Variants in SSBP2 observed in about 807,000 individuals in gnomAD.
SSBP2 encodes the protein single stranded DNA binding protein 2.
Under a neutral mutation model 61.8 loss-of-function variants are expected in SSBP2, and 17 were observed. The ratio of observed to expected loss-of-function variants is 0.28; its 90% CI spans 0.19 to 0.41. The LOEUF is 0.41. Among genes scored for constraint, SSBP2 ranks in the 10% least tolerant of loss-of-function variants. SSBP2 has a pLI of 1.00. For missense variants in SSBP2, 310 were observed against 458.7 expected (o/e 0.68, Z 2.96); for synonymous variants, 139 against 141.3 (o/e 0.98, Z 0.12).
intron 5 of SSBP2, 145 bp from the exon 6 acceptor site, chr5:81,489,454 C>T: frequency 1.6e-6 from 1 of 622,988 alleles, no homozygotes; most frequent in Non-Finnish European, 2.6e-6. Flanking sequence ...ATAATAAATG[C>T]TTTTAAGAAA....
intron 3 of SSBP2, among the ~76,000 whole-genome samples, chr5:81,617,756 G>T (rs1463311995): frequency 1.1e-5 from 1 of 89,664 alleles, no homozygotes; most frequent in Non-Finnish European, 2.2e-5. Flanking sequence ...CGGATCTCTC[G>T]GCAGAAACCC....
At chr5:81,672,270 T>A (rs1751630916) in intron 1 of SSBP2, among the ~76,000 whole-genome samples, 1 of 152,132 alleles carries the variant, frequency 6.6e-6, no homozygotes, top group South Asian at 2.1e-4. Context: ...AAGATATTCA[T>A]CTACATGGCA....
intron 4 of SSBP2, among the ~76,000 whole-genome samples, chr5:81,559,276 A>G (rs1051330734): frequency 6.6e-6 from 1 of 151,558 alleles, no homozygotes; most frequent in Non-Finnish European, 1.5e-5. Context: ...AATCCCAGCT[A>G]TTCAGGAGGC....
chr5:81,668,639 A>T (rs1751358854), intron 1 of SSBP2, among the ~76,000 whole-genome samples: 1 of 152,106 alleles, frequency 6.6e-6, no homozygotes, highest in Non-Finnish European at 1.5e-5. Flanking sequence ...CCTCCGTTTA[A>T]TTGTATAACA....
intron 2 of SSBP2, among the ~76,000 whole-genome samples, chr5:81,642,913 C>T (rs1274985924): frequency 6.6e-6 from 1 of 152,126 alleles, no homozygotes; most frequent in Non-Finnish European, 1.5e-5. Context: ...CAGGTATACA[C>T]ACACACATTT....
At chr5:81,454,072 C>T (rs566666411) in intron 10 of SSBP2, among the ~76,000 whole-genome samples, 1 of 152,102 alleles carries the variant, frequency 6.6e-6, no homozygotes, top group Non-Finnish European at 1.5e-5. Context: ...ATGTTTCAGG[C>T]ACTTCATTGC....
intron 1 of SSBP2, among the ~76,000 whole-genome samples, chr5:81,723,925 T>G (rs1755707976): frequency 6.6e-6 from 1 of 152,038 alleles, no homozygotes; most frequent in Non-Finnish European, 1.5e-5. Context: ...CTTCTGTCTT[T>G]TCTATGCTTC....
At chr5:81,428,897 C>G (rs1261583306) in intron 15 of SSBP2, among the ~76,000 whole-genome samples, 1 of 152,018 alleles carries the variant, frequency 6.6e-6, no homozygotes, top group Non-Finnish European at 1.5e-5. Flanking sequence ...AAAAAAACCC[C>G]CAATAACCTA....
chr5:81,665,694 G>T (rs1415161011), intron 1 of SSBP2, among the ~76,000 whole-genome samples: 1 of 152,064 alleles, frequency 6.6e-6, no homozygotes, highest in African/African-American at 2.4e-5. Flanking sequence ...TAGTAGAGAC[G>T]GAGTTTTACC....
chr5:81,614,057 T>C (rs1745735045), intron 4 of SSBP2, among the ~76,000 whole-genome samples: 1 of 152,132 alleles, frequency 6.6e-6, no homozygotes, highest in Non-Finnish European at 1.5e-5. Flanking sequence ...ATAAGGTTAG[T>C]ACACATTTAA....
At chr5:81,432,221 T>C (rs1027324621) in intron 15 of SSBP2, among the ~76,000 whole-genome samples, 5 of 151,968 alleles carry the variant, frequency 3.3e-5, no homozygotes, top group African/African-American at 9.7e-5. Context: ...GAGATGATGG[T>C]GTAGATCTCT....
At position 81,488,035 on chromosome 5, in the gene SSBP2, ATATATATATATATATATATATAT is replaced by A. The variant is rs1766535086; in HGVS notation, c.432+1192_432+1214del. ...AATATATATATATATATATATATATATATATATATATATATATATATATAAATAAAATATCATATATTATATAT... is the reference window on the plus strand; with the variant it reads ...AATATATATATATATATATATATATAAAATAAAATATCATATATTATATAT... On this transcript the variant is annotated intron_variant, in intron 6 of 16. Coordinates refer to ENST00000320672, the MANE Select transcript of SSBP2 (RefSeq NM_012446.5). Among the ~76,000 whole-genome samples, 8 of 17,024 alleles carry A rather than the reference ATATATATATATATATATATATAT, an allele frequency of 4.7e-4. No homozygotes were observed. In the African/African-American group the frequency reaches 9.0e-3, roughly 19 times the overall value. The allele number at this position is 17,024 out of a possible 152,430, so 11.2% of individuals were successfully genotyped here. A position where few individuals can be genotyped will look rare whatever the true frequency, so the allele number is the denominator to read the frequency against.
chr5:81,418,020 T>C lies in SSBP2; in HGVS notation c.*2484A>G, dbSNP rs1444945271. 1 of 152,166 alleles carries C rather than the reference T, an allele frequency of 6.6e-6. No homozygotes were observed. Among genetic ancestry groups the C allele is most frequent in the Non-Finnish European group, 1.5e-5 (1 of 68,018 alleles). 9.4% of individuals were successfully genotyped at this position (152,166 alleles called of 1,614,324 possible). On this transcript the variant is annotated 3_prime_UTR_variant, in exon 17 of 17. Transcript: ENST00000320672. ...CATCATTCTTTGTGATAAGAAATAA[T>C]ACCTTCTCAGAAGGCGAAGAAAAGA...
chr5:81,629,629 C>G (rs1747503739), intron 3 of SSBP2, among the ~76,000 whole-genome samples: 1 of 152,180 alleles, frequency 6.6e-6, no homozygotes, highest in Non-Finnish European at 1.5e-5. Flanking sequence ...CTCTCCCAAG[C>G]TAAAGTGAGT....
At chr5:81,533,193 C>G (rs956379606) in intron 4 of SSBP2, among the ~76,000 whole-genome samples, 1 of 151,572 alleles carries the variant, frequency 6.6e-6, no homozygotes, top group Non-Finnish European at 1.5e-5. Context: ...TGTTATCTGA[C>G]CATAATATAA....
intron 4 of SSBP2, among the ~76,000 whole-genome samples, chr5:81,569,468 T>C (rs1773682280): frequency 1.3e-5 from 2 of 152,230 alleles, no homozygotes; most frequent in South Asian, 4.1e-4. Flanking sequence ...TATCAGCCTG[T>C]ATATATGCAT....
chr5:81,592,677 G>A lies in SSBP2; in HGVS notation c.282+22796C>T, dbSNP rs185392158. On this transcript the variant is annotated intron_variant, in intron 4 of 16. Transcript: ENST00000320672. The stretch of plus-strand genomic sequence containing the variant: ...GAACCATCAGGCAGCAGCATTTGCG[G>A]TTCAACAATATACGCTGTTCTGCAG... Among the ~76,000 whole-genome samples, 345 of 152,314 alleles carry A rather than the reference G, an allele frequency of 2.3e-3. 2 individuals carry two copies. Among genetic ancestry groups the A allele is most frequent in the African/African-American group, 8.0e-3 (331 of 41,564 alleles).
chr5:81,709,228 C>A, intron 1 of SSBP2, among the ~76,000 whole-genome samples: 1 of 151,990 alleles, frequency 6.6e-6, no homozygotes, highest in African/African-American at 2.4e-5. Flanking sequence ...GATGTAATGG[C>A]TTTCATTTCT....
intron 16 of SSBP2, 135 bp downstream of exon 16, chr5:81,428,450 T>TA: frequency 1.6e-6 from 1 of 606,630 alleles, no homozygotes; most frequent in South Asian, 2.3e-5. Flanking sequence ...ATATTCCACT[T>TA]AAAGTTTCTC....
Sources: gnomAD v4.1 joint callset for allele counts (sites outside exome capture counted in the v4.1 genomes callset) on GRCh38, gnomAD v4.1.1 for gene constraint, MANE v1.5 for transcripts, NCBI Gene and HGNC (gene_info 2026-07-23, HGNC 2026-07-21) for gene names.